PTPRD: variants seen among roughly 807,000 people sequenced by gnomAD.
The protein encoded by PTPRD is protein tyrosine phosphatase receptor type D.
Under a neutral mutation model 214.5 loss-of-function variants are expected in PTPRD, and 34 were observed. That is an observed-to-expected ratio of 0.16 (90% CI 0.12 to 0.21). The LOEUF (loss-of-function observed/expected upper bound fraction) is 0.21. Among genes scored for constraint, PTPRD ranks in the 10% least tolerant of loss-of-function variants. PTPRD has a pLI of 1.00. For missense variants in PTPRD, 2,545 were observed against 2,398.7 expected (o/e 1.06, Z -1.27); for synonymous variants, 1,128 against 845.7 (o/e 1.33, Z -5.79).
At chr9:9,593,305 T>A (rs1236721083) in intron 7 of PTPRD, among the ~76,000 whole-genome samples, 1 of 151,894 alleles carries the variant, frequency 6.6e-6, no homozygotes, top group Non-Finnish European at 1.5e-5. Context: ...TAACTTTTTT[T>A]TTTTTTGCTT....
At chr9:8,381,882 C>G (rs1365511482) in intron 37 of PTPRD, among the ~76,000 whole-genome samples, 1 of 152,220 alleles carries the variant, frequency 6.6e-6, no homozygotes, top group Non-Finnish European at 1.5e-5. Flanking sequence ...GTTTCTGGCA[C>G]TTTGTCCTAA....
chr9:8,912,905 G>A (rs2098757839), intron 11 of PTPRD, among the ~76,000 whole-genome samples: 1 of 152,006 alleles, frequency 6.6e-6, no homozygotes, highest in African/African-American at 2.4e-5. Flanking sequence ...AGTCACTGTT[G>A]TACAGCTCAA....
At chr9:10,462,927 A>G (rs1291121656) in intron 2 of PTPRD, among the ~76,000 whole-genome samples, 1 of 150,392 alleles carries the variant, frequency 6.6e-6, no homozygotes, top group African/African-American at 2.4e-5. Flanking sequence ...ATTTGAAAAG[A>G]GAACAGTTTT....
At chr9:9,598,754 C>T (rs988302059) in intron 7 of PTPRD, among the ~76,000 whole-genome samples, 2 of 151,820 alleles carry the variant, frequency 1.3e-5, no homozygotes, top group African/African-American at 4.8e-5. Flanking sequence ...CCTCACTTGT[C>T]CCATATTTAA....
intron 3 of PTPRD, among the ~76,000 whole-genome samples, chr9:10,051,713 T>C (rs541346577): frequency 2.6e-5 from 4 of 152,052 alleles, no homozygotes; most frequent in Non-Finnish European, 5.9e-5. Context: ...CAAGGAATGG[T>C]GTATTGCTTC....
intron 9 of PTPRD, among the ~76,000 whole-genome samples, chr9:9,275,466 T>C (rs1945244036): frequency 6.7e-6 from 1 of 150,136 alleles, no homozygotes; most frequent in Admixed American, 6.7e-5. Context: ...CCGAAGAGGG[T>C]GAAACTATTT....
intron 14 of PTPRD, among the ~76,000 whole-genome samples, chr9:8,598,515 T>G (rs2094599255): frequency 6.6e-6 from 1 of 151,962 alleles, no homozygotes; most frequent in African/African-American, 2.4e-5. Flanking sequence ...ATCTGAAAAG[T>G]ATCAAAGTAC....
chr9:10,489,035 C>T (rs904045762), intron 2 of PTPRD, among the ~76,000 whole-genome samples: 1 of 151,950 alleles, frequency 6.6e-6, no homozygotes, highest in Admixed American at 6.6e-5. Context: ...GGAGTCTTGC[C>T]CCATAGACAC....
At chr9:9,455,785 CAAT>C (rs2092905565) in intron 8 of PTPRD, among the ~76,000 whole-genome samples, 1 of 151,514 alleles carries the variant, frequency 6.6e-6, no homozygotes. Flanking sequence ...ATTATAAAAA[CAAT>C]AAGCTACTGT....
intron 5 of PTPRD, among the ~76,000 whole-genome samples, chr9:9,778,142 G>C (rs2098813206): frequency 6.6e-6 from 1 of 152,154 alleles, no homozygotes; most frequent in Non-Finnish European, 1.5e-5. Flanking sequence ...GAAACAAAAA[G>C]CTGTGGTGGA....
At chr9:8,684,671 G>T (rs2097641581) in intron 12 of PTPRD, among the ~76,000 whole-genome samples, 1 of 152,064 alleles carries the variant, frequency 6.6e-6, no homozygotes, top group African/African-American at 2.4e-5. Context: ...AAAGAATGAG[G>T]GAGCTATGTT....
chr9:9,970,438 A>AAAG (rs1273738123), intron 4 of PTPRD, among the ~76,000 whole-genome samples: 2 of 140,310 alleles, frequency 1.4e-5, no homozygotes, highest in African/African-American at 5.4e-5. Context: ...TCAAAAAAAA[A>AAAG]AAAAAGAAAA....
intron 9 of PTPRD, among the ~76,000 whole-genome samples, chr9:9,282,312 T>C (rs1361078072): frequency 6.6e-6 from 1 of 151,178 alleles, no homozygotes; most frequent in Non-Finnish European, 1.5e-5. Context: ...GGGCAGGATA[T>C]GTAGGTGTGC....
At chr9:8,516,287 T>A (rs1177830322) in intron 21 of PTPRD, among the ~76,000 whole-genome samples, 2 of 152,124 alleles carry the variant, frequency 1.3e-5, no homozygotes, top group Non-Finnish European at 2.9e-5. Context: ...AATACAGAAG[T>A]ACTGCAAATG....
intron 10 of PTPRD, among the ~76,000 whole-genome samples, chr9:9,083,968 G>A (rs765820041): frequency 2.6e-5 from 4 of 152,196 alleles, no homozygotes; most frequent in Admixed American, 1.3e-4. Context: ...GTGTAAATTA[G>A]TTCAACCATT....
intron 21 of PTPRD, among the ~76,000 whole-genome samples, chr9:8,513,010 T>G (rs528612025): frequency 6.6e-6 from 1 of 152,158 alleles, no homozygotes; most frequent in South Asian, 2.1e-4. Context: ...GAATGTGTTT[T>G]CTAATAATGA....
At chr9:8,888,893 T>C (rs2098513896) in intron 11 of PTPRD, among the ~76,000 whole-genome samples, 1 of 152,214 alleles carries the variant, frequency 6.6e-6, no homozygotes, top group Admixed American at 6.5e-5. Flanking sequence ...CAGAGCAGCT[T>C]ATGTAACAAC....
chr9:8,692,774 G>A (rs1398244754), intron 12 of PTPRD, among the ~76,000 whole-genome samples: 1 of 152,054 alleles, frequency 6.6e-6, no homozygotes, highest in African/African-American at 2.4e-5. Context: ...TTATTTTCCA[G>A]ACTTTTAAGA....
At chr9:8,607,374 G>A (rs2095266893) in intron 14 of PTPRD, among the ~76,000 whole-genome samples, 1 of 152,182 alleles carries the variant, frequency 6.6e-6, no homozygotes, top group South Asian at 2.1e-4. Context: ...GCCGGGTGCG[G>A]TGCCGCATGC....
Sources: gnomAD v4.1 joint callset for allele counts (sites outside exome capture counted in the v4.1 genomes callset) on GRCh38, gnomAD v4.1.1 for gene constraint, MANE v1.5 for transcripts, NCBI Gene and HGNC (gene_info 2026-07-23, HGNC 2026-07-21) for gene names.